Variants in DLGAP1 observed in about 807,000 individuals in gnomAD.
The protein encoded by DLGAP1 is disks large-associated protein 1.
In DLGAP1, 11 loss-of-function variants were observed where a neutral mutation model predicts 90.8. The ratio of observed to expected loss-of-function variants is 0.12; its 90% CI spans 0.08 to 0.20. DLGAP1 has a LOEUF of 0.20. Among genes scored for constraint, DLGAP1 ranks in the 10% least tolerant of loss-of-function variants. The pLI is 1.00. For missense variants in DLGAP1, 1,050 were observed against 1,333.8 expected (o/e 0.79, Z 3.31); for synonymous variants, 558 against 540.7 (o/e 1.03, Z -0.44).
chr18:4,312,433 A>C (rs2080423398), intron 1 of DLGAP1, among the ~76,000 whole-genome samples: 1 of 152,210 alleles, frequency 6.6e-6, no homozygotes, highest in South Asian at 2.1e-4. Context: ...TTTCAATTTT[A>C]TGATGAGTTT....
At chr18:4,248,571 T>C (rs2078705114) in intron 1 of DLGAP1, 1 of 152,264 alleles carries the variant, frequency 6.6e-6, no homozygotes, top group Non-Finnish European at 1.5e-5. Context: ...GGACTTACCA[T>C]GACTGTAGAC....
At chr18:3,648,088 T>C (rs573535357) in intron 7 of DLGAP1, among the ~76,000 whole-genome samples, 19 of 152,216 alleles carry the variant, frequency 1.2e-4, no homozygotes, top group Non-Finnish European at 2.4e-4. Context: ...TCAGCAGAAG[T>C]GTACCAGGTT....
intron 1 of DLGAP1, among the ~76,000 whole-genome samples, chr18:4,282,884 T>G (rs1336027558): frequency 6.6e-6 from 1 of 152,204 alleles, no homozygotes; most frequent in Non-Finnish European, 1.5e-5. Context: ...TAGCAGACAC[T>G]GTAATAAACT....
intron 3 of DLGAP1, among the ~76,000 whole-genome samples, chr18:3,902,656 A>C (rs1322746081): frequency 1.3e-5 from 2 of 152,108 alleles, no homozygotes; most frequent in Non-Finnish European, 2.9e-5. Context: ...AGCATGACCT[A>C]CTCATAAATG....
intron 4 of DLGAP1, among the ~76,000 whole-genome samples, chr18:3,867,238 GTGCCAC>G (rs1336903679): frequency 6.6e-6 from 1 of 152,046 alleles, no homozygotes; most frequent in Non-Finnish European, 1.5e-5. Flanking sequence ...AGACTTTTGA[GTGCCAC>G]TGCTTTTCCC....
At chr18:4,386,672 G>A (rs187963707) in intron 1 of DLGAP1, among the ~76,000 whole-genome samples, 97 of 152,266 alleles carry the variant, frequency 6.4e-4, no homozygotes, top group African/African-American at 2.2e-3. Flanking sequence ...TAATGAGAAA[G>A]ATCACATATG....
chr18:3,534,761 G>A (rs1296217125), intron 9 of DLGAP1, 146 bp from the exon 10 acceptor site: 13 of 739,064 alleles, frequency 1.8e-5, no homozygotes, highest in East Asian at 1.2e-4. Context: ...GCGTGATCTC[G>A]GCTCACAGCA....
chr18:4,387,922 ATC>A (rs2082264196), intron 1 of DLGAP1, among the ~76,000 whole-genome samples: 1 of 31,624 alleles, frequency 3.2e-5, no homozygotes, highest in African/African-American at 7.3e-5. Flanking sequence ...CAGAGACTCC[ATC>A]ACACATACAC....
Position 3,653,397 on chromosome 18 carries a change from T to C in DLGAP1, c.1592-71149A>G, listed in dbSNP as rs964664813. 8.5e-5 allele frequency: 13 copies of C among 152,218 alleles called. No homozygotes were observed. Among genetic ancestry groups the C allele is most frequent in the Non-Finnish European group, 1.5e-4 (10 of 68,030 alleles). The allele number at this position is 152,218 out of a possible 1,614,324, so 9.4% of individuals were successfully genotyped here. On this transcript the variant is annotated intron_variant, in intron 7 of 12. Transcript: ENST00000315677. The surrounding 1 kb of genome is among the most constrained non-coding windows in gnomAD (Gnocchi z 4.6). ...ATTATTTCTTTCAAACTGAACTTTT[T>C]CCCTATTCACTTATTTTTCCTCATT...
At chr18:3,725,473 T>C (rs2062135561) in intron 7 of DLGAP1, among the ~76,000 whole-genome samples, 1 of 152,174 alleles carries the variant, frequency 6.6e-6, no homozygotes, top group African/African-American at 2.4e-5. Context: ...CTGAAATATT[T>C]TAGATGATTG....
chr18:4,296,385 C>T (rs2079982478), intron 1 of DLGAP1, among the ~76,000 whole-genome samples: 1 of 152,074 alleles, frequency 6.6e-6, no homozygotes. Context: ...TTGGAAAAGA[C>T]ACAGCAGGTT....
chr18:4,183,459 G>A (rs2077241636), intron 1 of DLGAP1, among the ~76,000 whole-genome samples: 1 of 152,064 alleles, frequency 6.6e-6, no homozygotes, highest in African/African-American at 2.4e-5. Flanking sequence ...ATCAAAAGTA[G>A]GCATTTCAAA....
At chr18:3,931,390 C>T (rs2072512458) in intron 3 of DLGAP1, among the ~76,000 whole-genome samples, 1 of 152,158 alleles carries the variant, frequency 6.6e-6, no homozygotes. Context: ...GAATCACCTG[C>T]TTCCTCTCTG....
rs188468047 is a variant in DLGAP1, at chr18:4,243,245, G to A, written c.-266-91958C>T. Reference sequence around the variant, plus strand: ...TAATAGTTCCTTAATAGTTCTTTTCGGTTAAAAAGTGCCTCTGCGGAGTAC... The same window carrying A: ...TAATAGTTCCTTAATAGTTCTTTTCAGTTAAAAAGTGCCTCTGCGGAGTAC... On this transcript the variant is annotated intron_variant, in intron 1 of 12. Coordinates refer to ENST00000315677, the MANE Select transcript of DLGAP1 (RefSeq NM_004746.4). Among the ~76,000 whole-genome samples the A allele has an allele frequency of 3.0e-4, 18 of 59,112 alleles. No individual in the cohort carries two copies. In the East Asian group the frequency reaches 0.02, roughly 66 times the overall value. The allele number at this position is 59,112 out of a possible 152,430, so 38.8% of individuals were successfully genotyped here.
intron 4 of DLGAP1, among the ~76,000 whole-genome samples, chr18:3,849,178 G>A (rs902344917): frequency 6.6e-6 from 1 of 152,136 alleles, no homozygotes; most frequent in African/African-American, 2.4e-5. Flanking sequence ...GGCATGCTTT[G>A]CTGAACATCT....
chr18:4,111,990 A>C (rs1280965255), intron 2 of DLGAP1, among the ~76,000 whole-genome samples: 1 of 151,138 alleles, frequency 6.6e-6, no homozygotes, highest in East Asian at 1.9e-4. Flanking sequence ...CTTTAACTTT[A>C]GTTTTTTTCC....
At chr18:3,665,535 G>A (rs2059848309) in intron 7 of DLGAP1, among the ~76,000 whole-genome samples, 1 of 152,098 alleles carries the variant, frequency 6.6e-6, no homozygotes, top group Admixed American at 6.6e-5. Context: ...ATAAGCTCAG[G>A]TCTCTACAAG....
intron 4 of DLGAP1, among the ~76,000 whole-genome samples, chr18:3,834,665 G>GA: frequency 6.6e-6 from 1 of 152,292 alleles, no homozygotes; most frequent in Admixed American, 6.5e-5. Context: ...AGCAGAAGGC[G>GA]AATGTTAAAA....
chr18:4,146,006 C>T (rs1413183826), intron 2 of DLGAP1, among the ~76,000 whole-genome samples: 3 of 152,146 alleles, frequency 2.0e-5, no homozygotes, highest in African/African-American at 7.2e-5. Flanking sequence ...TTTCCACTAG[C>T]CTTTCAGTCT....
Sources: allele counts gnomAD v4.1 joint callset (sites outside exome capture counted in the v4.1 genomes callset), GRCh38; gene constraint gnomAD v4.1.1; non-coding constraint Gnocchi (gnomAD v3.1); transcripts MANE v1.5; gene names NCBI Gene and HGNC (gene_info 2026-07-23, HGNC 2026-07-21).